Variants in MIS18BP1 observed in about 807,000 individuals in gnomAD.
MIS18BP1 encodes MIS18 binding protein 1.
MIS18BP1 carries 72 observed loss-of-function variants against 116.1 expected under a neutral mutation model. The observed-to-expected ratio is 0.62, with a 90% CI of 0.51 to 0.75. The LOEUF (loss-of-function observed/expected upper bound fraction) is 0.75, where lower values mean the gene tolerates loss of function less well. Among genes scored for constraint, MIS18BP1 ranks in the 30% least tolerant of loss-of-function variants. The pLI is 0.00. For missense variants in MIS18BP1, 1,363 were observed against 1,303.2 expected, an observed-to-expected ratio of 1.05 and a Z score of -0.71; for synonymous variants, 386 against 427.0, an observed-to-expected ratio of 0.90 and a Z score of 1.18.
chr14:45,236,036 A>G (rs370336908), intron 5 of MIS18BP1, 92 bp from the exon 6 acceptor site: 10 of 1,149,518 alleles, frequency 8.7e-6, no homozygotes, highest in African/African-American at 3.2e-5. Context: ...CAGCAACACT[A>G]AGAATGTTAT....
intron 13 of MIS18BP1, among the ~76,000 whole-genome samples, chr14:45,214,193 A>G (rs1218752035): frequency 2.0e-5 from 3 of 152,188 alleles, no homozygotes; most frequent in African/African-American, 7.2e-5. Flanking sequence ...TTTGCAGTTG[A>G]GATAAGAGGA....
At position 45,224,515 on chromosome 14, in the gene MIS18BP1, G is replaced by A; in HGVS notation, c.2072C>T (p.Pro691Leu). The change falls in exon 11 of 17, where the codon CCC becomes CTC. Residue 691 changes from proline to leucine, a missense_variant. Physicochemically the swap from Pro to Leu is moderately conservative, Grantham distance 98 (BLOSUM62 -3). Coordinates refer to ENST00000310806, the MANE Select transcript of MIS18BP1 (RefSeq NM_018353.5). ...FVIPECQKKSPISKSMGTLEN... is the reference protein window; with the variant it reads ...FVIPECQKKSLISKSMGTLEN... ...TAAAGTCCCCATGGACTTGCTGATG[G>A]GACTTTTTTTTTGACACTCTGGTAT... The A allele has an allele frequency of 6.2e-7, 1 of 1,611,566 alleles. No homozygotes were observed. The highest frequency in any genetic ancestry group is 2.2e-5 in the East Asian group (1 of 44,842).
chr14:45,205,727 G>T (rs1052543028), intron 15 of MIS18BP1, among the ~76,000 whole-genome samples: 2 of 152,278 alleles, frequency 1.3e-5, no homozygotes, highest in East Asian at 3.9e-4. Flanking sequence ...TATGAGAATT[G>T]TGACTCAGTC....
At chr14:45,239,383 G>A (rs1036446330) in intron 4 of MIS18BP1, among the ~76,000 whole-genome samples, 3 of 152,226 alleles carry the variant, frequency 2.0e-5, no homozygotes, top group Non-Finnish European at 4.4e-5. Flanking sequence ...AACAGTCAGG[G>A]AACGTCTTGG....
At chr14:45,215,645 T>C (rs1349640323) in intron 13 of MIS18BP1, among the ~76,000 whole-genome samples, 1 of 151,914 alleles carries the variant, frequency 6.6e-6, no homozygotes, top group Non-Finnish European at 1.5e-5. Flanking sequence ...TCTCCTGACC[T>C]CATGATCCAC....
At chr14:45,248,969 G>A (rs2139256852) in intron 1 of MIS18BP1, among the ~76,000 whole-genome samples, 1 of 152,224 alleles carries the variant, frequency 6.6e-6, no homozygotes, top group East Asian at 1.9e-4. Context: ...GCAGTGGTGT[G>A]ATCAGGGCTC....
rs1478722244 is a variant in MIS18BP1, at chr14:45,203,394, CTGTT to C, written c.*711_*714del. 2 of 152,170 alleles carry C rather than the reference CTGTT, an allele frequency of 1.3e-5. No individual in the cohort carries two copies. The highest frequency in any genetic ancestry group is 6.6e-5 in the Admixed American group (1 of 15,264). 9.4% of individuals were successfully genotyped at this position (152,170 alleles called of 1,614,324 possible). A position where few individuals can be genotyped will look rare whatever the true frequency, so the allele number is the denominator to read the frequency against. On this transcript the variant is annotated 3_prime_UTR_variant, in exon 17 of 17. Coordinates refer to ENST00000310806, the MANE Select transcript of MIS18BP1 (RefSeq NM_018353.5). ...TGATTCCTAATGGTGGATCTATTAA[CTGTT>C]TGTCTAATCTAGTCAAAATATTTAA...
chr14:45,249,670 A>G lies in MIS18BP1; in HGVS notation c.-91-2293T>C, dbSNP rs139945106. On this transcript the variant is annotated intron_variant, in intron 1 of 16. Transcript: ENST00000310806. ...AGAATCACTTGAGGTCAGGGGTTCA[A>G]GACCAGCCTGGCCAACACGGTGAAT... Among the ~76,000 whole-genome samples the G allele has an allele frequency of 4.3e-3, 651 of 152,294 alleles. 5 individuals carry two copies. Among genetic ancestry groups the G allele is most frequent in the African/African-American group, 0.015 (610 of 41,582 alleles).
intron 14 of MIS18BP1, chr14:45,206,433 C>T (rs117507177): frequency 1.6e-5 from 5 of 308,274 alleles, no homozygotes; most frequent in East Asian, 1.5e-4. Context: ...ACTACAGGCA[C>T]GTGCCATCAT....
Position 45,247,040 on chromosome 14 carries a change from C to A in MIS18BP1, c.247G>T (p.Ala83Ser), listed in dbSNP as rs753323690. 6.2e-6 allele frequency: 10 copies of A among 1,613,362 alleles called. No individual in the cohort carries two copies. The highest frequency in any genetic ancestry group is 8.5e-6 in the Non-Finnish European group (10 of 1,179,880). Reference protein sequence around the residue: ...NIFQSTMLTEATTSNSSLDIS... With the variant: ...NIFQSTMLTESTTSNSSLDIS... ...TCAAGAGAACTGTTAGAGGTAGTAG[C>A]CTCTGTTAGCATAGTTGATTGAAAT... Residue 83 changes from alanine (A) to serine (S), a missense_variant, in exon 2 of 17, where the codon GCT (alanine) becomes TCT (serine). Coordinates refer to ENST00000310806, the MANE Select transcript of MIS18BP1 (RefSeq NM_018353.5).
chr14:45,251,996 C>A (rs1891887433), intron 1 of MIS18BP1, among the ~76,000 whole-genome samples: 1 of 152,086 alleles, frequency 6.6e-6, no homozygotes. Flanking sequence ...TATTTACATG[C>A]CAGCCACTAT....
chr14:45,232,593 G>A (rs919152235), intron 7 of MIS18BP1, 140 bp downstream of exon 7: 3 of 617,914 alleles, frequency 4.9e-6, no homozygotes, highest in South Asian at 1.7e-5. Context: ...CCAGGAGTTC[G>A]AGACCAGTCT....
rs762482368 is a variant in MIS18BP1 at position 45,224,676 on chromosome 14, T to C, written c.1911A>G (p.Glu637=). The part of the protein sequence containing the change: ...TSREQFFSDE[E]RKYMAINQKK... Reference sequence around the variant, plus strand: ...TCTGATTGATGGCCATGTATTTTCTTTCTTCATCTGAGAAAAACTGTTCCC... The same window carrying C: ...TCTGATTGATGGCCATGTATTTTCTCTCTTCATCTGAGAAAAACTGTTCCC... The change falls in exon 11 of 17, where the codon GAA becomes GAG. Residue 637 remains glutamate (E), a synonymous_variant. Coordinates refer to ENST00000310806, the MANE Select transcript of MIS18BP1 (RefSeq NM_018353.5). 2 of 1,611,570 alleles carry C rather than the reference T, an allele frequency of 1.2e-6. No homozygotes were observed. The highest frequency in any genetic ancestry group is 4.5e-5 in the East Asian group (2 of 44,850).
chr14:45,246,215 A>G (rs1566823088), intron 2 of MIS18BP1, among the ~76,000 whole-genome samples: 1 of 152,196 alleles, frequency 6.6e-6, no homozygotes. Flanking sequence ...AGTAAAGGCC[A>G]AAACTCTTAC....
chr14:45,227,516 G>C (rs1437892164), intron 9 of MIS18BP1, 147 bp downstream of exon 9: 2 of 649,940 alleles, frequency 3.1e-6, no homozygotes, highest in Non-Finnish European at 5.1e-6. Context: ...CTGCACTCCA[G>C]CCTGGGCAAT....
chr14:45,222,375 G>T (rs1180803065), intron 11 of MIS18BP1, among the ~76,000 whole-genome samples: 1 of 151,902 alleles, frequency 6.6e-6, no homozygotes, highest in African/African-American at 2.4e-5. Flanking sequence ...TTATTTCTTT[G>T]TATAGTTTTT....
chr14:45,224,839 T>C, intron 10 of MIS18BP1, 93 bp from the exon 11 acceptor site: 1 of 978,432 alleles, frequency 1.0e-6, no homozygotes, highest in Non-Finnish European at 1.5e-6. Context: ...AAATAAAAGA[T>C]ACTATTTTTA....
intron 7 of MIS18BP1, 50 bp downstream of exon 7, chr14:45,232,683 A>G (rs1891321454): frequency 9.7e-7 from 1 of 1,033,914 alleles, no homozygotes; most frequent in African/African-American, 1.6e-5. Context: ...ATTAAATGTA[A>G]ATTATATCTC....
At chr14:45,240,477 A>G (rs1891545600) in intron 4 of MIS18BP1, among the ~76,000 whole-genome samples, 1 of 151,704 alleles carries the variant, frequency 6.6e-6, no homozygotes, top group African/African-American at 2.4e-5. Flanking sequence ...CGCACTCTCT[A>G]GGCTGTATTT....
Sources: gnomAD v4.1 joint callset for allele counts (sites outside exome capture counted in the v4.1 genomes callset) on GRCh38, gnomAD v4.1.1 for gene constraint, MANE v1.5 for transcripts, NCBI Gene and HGNC (gene_info 2026-07-23, HGNC 2026-07-21) for gene names.